SORCS3: variants seen among roughly 807,000 people sequenced by gnomAD.
SORCS3 encodes VPS10 domain-containing receptor SorCS3.
SORCS3 carries 57 observed loss-of-function variants against 146.3 expected under a neutral mutation model. The observed-to-expected ratio is 0.39, with a 90% CI of 0.31 to 0.49. The LOEUF (loss-of-function observed/expected upper bound fraction) is 0.49, where lower values mean the gene tolerates loss of function less well. Among genes scored for constraint, SORCS3 ranks in the 20% least tolerant of loss-of-function variants. SORCS3 has a pLI of 0.92. For synonymous variants in SORCS3, 653 were observed against 618.5 expected, an observed-to-expected ratio of 1.06 and a Z score of -0.83; for missense variants, 1,341 against 1,575.5, an observed-to-expected ratio of 0.85 and a Z score of 2.52.
At chr10:105,055,996 A>G (rs2055443332) in intron 5 of SORCS3, among the ~76,000 whole-genome samples, 1 of 152,202 alleles carries the variant, frequency 6.6e-6, no homozygotes, top group African/African-American at 2.4e-5. Flanking sequence ...GGAAAGCACC[A>G]AAAGAGTATT....
intron 1 of SORCS3, among the ~76,000 whole-genome samples, chr10:104,830,996 TA>T (rs781316200): frequency 2.0e-5 from 3 of 151,852 alleles, no homozygotes; most frequent in Admixed American, 6.6e-5. Flanking sequence ...TAATTATTAT[TA>T]TTTTTTTTGG....
chr10:105,042,463 T>C (rs900416239), intron 4 of SORCS3, among the ~76,000 whole-genome samples: 3 of 152,158 alleles, frequency 2.0e-5, no homozygotes, highest in Middle Eastern at 3.2e-3. Context: ...ATATACCCAA[T>C]ACTCCTAGTT....
chr10:105,152,534 G>A (rs181574959), intron 9 of SORCS3, among the ~76,000 whole-genome samples: 10 of 151,964 alleles, frequency 6.6e-5, no homozygotes, highest in East Asian at 1.9e-4. Context: ...ATACTTGATC[G>A]GTATTTAACA....
At chr10:104,672,461 T>C (rs745461116) in intron 1 of SORCS3, among the ~76,000 whole-genome samples, 2 of 152,158 alleles carry the variant, frequency 1.3e-5, no homozygotes, top group Non-Finnish European at 2.9e-5. Flanking sequence ...TTCTGTTCTC[T>C]GATCGCTGTT....
At chr10:104,664,133 G>T (rs2015737811) in intron 1 of SORCS3, among the ~76,000 whole-genome samples, 1 of 152,176 alleles carries the variant, frequency 6.6e-6, no homozygotes, top group Admixed American at 6.5e-5. Flanking sequence ...ATGCATTGGG[G>T]AAGAAGGTGC....
chr10:105,052,757 G>A (rs749917578), intron 5 of SORCS3, among the ~76,000 whole-genome samples: 14 of 152,108 alleles, frequency 9.2e-5, no homozygotes, highest in African/African-American at 3.1e-4. Flanking sequence ...AGAGGTCAAT[G>A]TTGAGCTCGG....
intron 25 of SORCS3, among the ~76,000 whole-genome samples, chr10:105,258,630 CT>C (rs75512098): frequency 0.075 from 11,347 of 152,182 alleles, 515 homozygotes; most frequent in Middle Eastern, 0.21. Context: ...TGGAAAACTT[CT>C]TTTTTTGTTT....
chr10:105,020,737 A>G (rs1210310652), intron 4 of SORCS3, among the ~76,000 whole-genome samples: 1 of 152,194 alleles, frequency 6.6e-6, no homozygotes, highest in Non-Finnish European at 1.5e-5. Flanking sequence ...CAATAAACAA[A>G]TAAGGTACCT....
chr10:105,071,030 G>A (rs923202493), intron 5 of SORCS3, among the ~76,000 whole-genome samples: 14 of 152,284 alleles, frequency 9.2e-5, no homozygotes, highest in Admixed American at 3.3e-4. Context: ...AGTCCAGTTG[G>A]GATGAGCTAT....
At chr10:105,234,303 C>A (rs778310489) in intron 20 of SORCS3, among the ~76,000 whole-genome samples, 2 of 151,692 alleles carry the variant, frequency 1.3e-5, no homozygotes, top group Non-Finnish European at 2.9e-5. Context: ...TCTCTCATGA[C>A]TTTTTTTCTT....
intron 5 of SORCS3, among the ~76,000 whole-genome samples, chr10:105,061,992 T>C (rs1479172269): frequency 6.6e-6 from 1 of 152,162 alleles, no homozygotes; most frequent in African/African-American, 2.4e-5. Context: ...ACCTCAACAC[T>C]TAGGATAAAT....
At chr10:105,010,732 T>A (rs1022860362) in intron 4 of SORCS3, among the ~76,000 whole-genome samples, 3 of 147,620 alleles carry the variant, frequency 2.0e-5, no homozygotes, top group African/African-American at 7.4e-5. Context: ...TTTTTTTTTT[T>A]CTCTCTTTCA....
chr10:105,218,341 A>G (rs915268709), intron 19 of SORCS3, among the ~76,000 whole-genome samples: 9 of 152,220 alleles, frequency 5.9e-5, no homozygotes, highest in African/African-American at 1.9e-4. Flanking sequence ...AATAGTAAAC[A>G]CACAAAAAAC....
intron 5 of SORCS3, among the ~76,000 whole-genome samples, chr10:105,070,062 A>G (rs2055546956): frequency 6.6e-6 from 1 of 152,162 alleles, no homozygotes; most frequent in Non-Finnish European, 1.5e-5. Flanking sequence ...ACATTATCAA[A>G]CATGTACATA....
chr10:104,856,844 T>C (rs892685915), intron 2 of SORCS3, among the ~76,000 whole-genome samples: 4 of 144,348 alleles, frequency 2.8e-5, no homozygotes, highest in African/African-American at 1.0e-4. Flanking sequence ...AATATATAAA[T>C]AATATATATT....
intron 1 of SORCS3, among the ~76,000 whole-genome samples, chr10:104,804,595 G>A (rs2017661398): frequency 6.6e-6 from 1 of 152,178 alleles, no homozygotes; most frequent in East Asian, 1.9e-4. Flanking sequence ...CACACAGTTA[G>A]CAGTAAAACC....
Position 104,975,896 on chromosome 10 carries a change from A to G in SORCS3, c.796-1439A>G, listed in dbSNP as rs1245033389. Among the ~76,000 whole-genome samples, 5 of 152,224 alleles carry G rather than the reference A, an allele frequency of 3.3e-5. No homozygotes were observed. In the East Asian group the frequency reaches 5.8e-4, roughly 18 times the overall value. On this transcript the variant is annotated intron_variant, in intron 3 of 26. Transcript: ENST00000369701. ...AAACTGGATACCTTCCTTACACCTTATACAAAAATTAATTCAAGATGGATT... is the reference window on the plus strand; with the variant it reads ...AAACTGGATACCTTCCTTACACCTTGTACAAAAATTAATTCAAGATGGATT...
At chr10:104,725,767 C>T (rs574934552) in intron 1 of SORCS3, among the ~76,000 whole-genome samples, 115 of 152,340 alleles carry the variant, frequency 7.5e-4, no homozygotes, top group Non-Finnish European at 1.4e-3. Flanking sequence ...GCATAGGACC[C>T]GCTGAGCCAT....
intron 3 of SORCS3, among the ~76,000 whole-genome samples, chr10:104,957,125 T>G (rs2019502562): frequency 6.6e-6 from 1 of 152,166 alleles, no homozygotes; most frequent in African/African-American, 2.4e-5. Context: ...GCTTTGGGAT[T>G]AGAGTATTTC....
Sources: allele counts gnomAD v4.1 joint callset (sites outside exome capture counted in the v4.1 genomes callset), GRCh38; gene constraint gnomAD v4.1.1; transcripts MANE v1.5; gene names NCBI Gene and HGNC (gene_info 2026-07-23, HGNC 2026-07-21).